The following CA10 variants were observed in gnomAD, a reference collection of about 807,000 sequenced individuals.
The protein encoded by CA10 is carbonic anhydrase-related protein 10.
In CA10, 14 loss-of-function variants were observed where a neutral mutation model predicts 44.2. That is an observed-to-expected ratio of 0.32 (90% confidence interval 0.21 to 0.50). The LOEUF (loss-of-function observed/expected upper bound fraction) is 0.50. Ranked by LOEUF, CA10 falls within the 20% of genes least tolerant of loss-of-function variation. CA10 has a pLI of 0.99. For synonymous variants in CA10, 159 were observed against 141.6 expected (o/e 1.12, Z -0.87); for missense variants, 350 against 409.7 (o/e 0.85, Z 1.26).
chr17:51,848,239 A>G (rs1370469845), intron 3 of CA10, among the ~76,000 whole-genome samples: 5 of 152,238 alleles, frequency 3.3e-5, no homozygotes, highest in Non-Finnish European at 7.3e-5. Context: ...TAGTCCATTC[A>G]GATTCTGTCT....
At chr17:51,656,528 T>C (rs1342650185) in intron 4 of CA10, among the ~76,000 whole-genome samples, 1 of 152,216 alleles carries the variant, frequency 6.6e-6, no homozygotes, top group Non-Finnish European at 1.5e-5. Flanking sequence ...TTGTGTTAGG[T>C]TGAACCACAT....
chr17:52,113,569 A>C (rs112030470), intron 1 of CA10, among the ~76,000 whole-genome samples: 119 of 152,342 alleles, frequency 7.8e-4, no homozygotes, highest in Non-Finnish European at 1.4e-3. Flanking sequence ...TGACAGTACA[A>C]GACAACAGTG....
chr17:51,748,919 C>G (rs1432372400), intron 3 of CA10, among the ~76,000 whole-genome samples: 1 of 152,174 alleles, frequency 6.6e-6, no homozygotes, highest in East Asian at 1.9e-4. Context: ...GACCATAATG[C>G]TCACCAAATA....
At chr17:51,664,334 C>T (rs1914131083) in intron 4 of CA10, among the ~76,000 whole-genome samples, 2 of 151,954 alleles carry the variant, frequency 1.3e-5, no homozygotes, top group African/African-American at 2.4e-5. Context: ...TAGTGGAAAA[C>T]AGCATTAAAA....
chr17:51,851,734 T>A (rs1978804484), intron 3 of CA10, among the ~76,000 whole-genome samples: 1 of 152,186 alleles, frequency 6.6e-6, no homozygotes. Flanking sequence ...TAAATATTTG[T>A]TGAACTAATC....
chr17:52,020,254 G>A (rs941913110), intron 2 of CA10, among the ~76,000 whole-genome samples: 1 of 151,838 alleles, frequency 6.6e-6, no homozygotes, highest in African/African-American at 2.4e-5. Context: ...CCTGAACAAT[G>A]CAAGCTTCTT....
At chr17:52,119,456 G>A (rs1988966213) in intron 1 of CA10, among the ~76,000 whole-genome samples, 2 of 152,148 alleles carry the variant, frequency 1.3e-5, no homozygotes, top group African/African-American at 4.8e-5. Context: ...CCTGTACAGG[G>A]TTCCTGACCC....
chr17:51,679,867 G>T (rs1567800781), intron 4 of CA10, among the ~76,000 whole-genome samples: 1 of 152,108 alleles, frequency 6.6e-6, no homozygotes, highest in Non-Finnish European at 1.5e-5. Context: ...TTTTTAAATG[G>T]TTGGGAAAAA....
At chr17:51,907,367 T>C (rs906263020) in intron 3 of CA10, among the ~76,000 whole-genome samples, 1 of 152,158 alleles carries the variant, frequency 6.6e-6, no homozygotes, top group Non-Finnish European at 1.5e-5. Context: ...CTTCCTTCAG[T>C]GGGGCCTTCC....
chr17:52,027,369 TG>T (rs1350295724), intron 2 of CA10, among the ~76,000 whole-genome samples: 1 of 151,940 alleles, frequency 6.6e-6, no homozygotes, highest in Non-Finnish European at 1.5e-5. Context: ...GGGTAGAGGG[TG>T]GGGGTGTTGG....
At chr17:51,641,859 T>C (rs1416989709) in intron 6 of CA10, among the ~76,000 whole-genome samples, 3 of 152,080 alleles carry the variant, frequency 2.0e-5, no homozygotes, top group Admixed American at 6.5e-5. Context: ...GGACCACTGA[T>C]GAGATTTAAT....
chr17:52,118,202 G>C (rs1257312492), intron 1 of CA10, among the ~76,000 whole-genome samples: 2 of 152,030 alleles, frequency 1.3e-5, no homozygotes, highest in African/African-American at 4.8e-5. Context: ...TTAATGTAAG[G>C]GTAAAATTTG....
chr17:51,863,391 G>C (rs1254768964), intron 3 of CA10, among the ~76,000 whole-genome samples: 1 of 152,188 alleles, frequency 6.6e-6, no homozygotes, highest in Admixed American at 6.5e-5. Context: ...CCATGAGTTA[G>C]ATGGCACGGA....
chr17:51,743,875 G>A (rs1050645995), intron 4 of CA10, among the ~76,000 whole-genome samples: 11 of 152,142 alleles, frequency 7.2e-5, no homozygotes, highest in African/African-American at 2.7e-4. Context: ...CCAGATTCGC[G>A]CAATCTACCC....
intron 1 of CA10, among the ~76,000 whole-genome samples, chr17:52,129,520 T>C (rs1168249750): frequency 6.6e-6 from 1 of 152,234 alleles, no homozygotes; most frequent in Non-Finnish European, 1.5e-5. Flanking sequence ...GGATATACTA[T>C]GTGGTGAATC....
intron 4 of CA10, among the ~76,000 whole-genome samples, chr17:51,734,176 GT>G (rs1310362480): frequency 1.0e-5 from 1 of 96,098 alleles, no homozygotes; most frequent in African/African-American, 6.1e-5. Context: ...TCAATCTTTG[GT>G]TGGGGGGGGG....
At chr17:51,905,526 CTTTTTTTTTT>C (rs34606778) in intron 3 of CA10, among the ~76,000 whole-genome samples, 1 of 99,856 alleles carries the variant, frequency 1.0e-5, no homozygotes, top group African/African-American at 5.0e-5. Flanking sequence ...CCTATCAGTC[CTTTTTTTTTT>C]TTTTTTTTTT....
At chr17:51,680,081 A>G (rs924614606) in intron 4 of CA10, among the ~76,000 whole-genome samples, 24 of 152,188 alleles carry the variant, frequency 1.6e-4, no homozygotes, top group Non-Finnish European at 2.5e-4. Flanking sequence ...TAACATGTTT[A>G]CTATCTGGCC....
At chr17:52,067,045 C>T (rs555314677) in intron 2 of CA10, among the ~76,000 whole-genome samples, 36 of 152,336 alleles carry the variant, frequency 2.4e-4, no homozygotes, top group Admixed American at 6.5e-4. Context: ...AACCCATTTT[C>T]TGAGGAGAAA....
Sources: allele counts gnomAD v4.1 joint callset (sites outside exome capture counted in the v4.1 genomes callset), GRCh38; gene constraint gnomAD v4.1.1; transcripts MANE v1.5; gene names NCBI Gene and HGNC (gene_info 2026-07-23, HGNC 2026-07-21).